SPOCK1: variants seen among roughly 807,000 people sequenced by gnomAD.
SPOCK1 encodes SPARC (osteonectin), cwcv and kazal like domains proteoglycan 1.
A neutral mutation model predicts 55.3 loss-of-function variants in SPOCK1; 23 were observed. The observed-to-expected ratio is 0.42, with a 90% CI of 0.30 to 0.59. SPOCK1 has a LOEUF of 0.59. Among genes scored for constraint, SPOCK1 ranks in the 20% least tolerant of loss-of-function variants. SPOCK1 has a pLI of 0.22. For missense variants in SPOCK1, 499 were observed against 552.5 expected (o/e 0.90, Z 0.97); for synonymous variants, 226 against 221.0 (o/e 1.02, Z -0.20).
intron 2 of SPOCK1, among the ~76,000 whole-genome samples, chr5:137,377,997 T>C (rs115408373): frequency 0.022 from 2,959 of 135,264 alleles, 90 homozygotes; most frequent in African/African-American, 0.077. Flanking sequence ...CAGGCTGGAG[T>C]GTAATGGTGC....
At chr5:137,420,191 G>T (rs1422022681) in intron 2 of SPOCK1, among the ~76,000 whole-genome samples, 1 of 152,106 alleles carries the variant, frequency 6.6e-6, no homozygotes, top group Non-Finnish European at 1.5e-5. Flanking sequence ...TGCTGCATTC[G>T]GTTTGCCAGT....
chr5:137,353,825 C>A (rs573632434), intron 2 of SPOCK1, among the ~76,000 whole-genome samples: 2 of 152,268 alleles, frequency 1.3e-5, no homozygotes, highest in East Asian at 3.9e-4. Context: ...TGTCCCCAGT[C>A]TCTCCCTGGC....
chr5:137,202,345 C>T (rs1755443055), intron 3 of SPOCK1, among the ~76,000 whole-genome samples: 1 of 152,190 alleles, frequency 6.6e-6, no homozygotes, highest in Admixed American at 6.5e-5. Flanking sequence ...ACTGCTAATA[C>T]ACAATTTTTT....
chr5:137,326,905 T>A (rs554265869), intron 2 of SPOCK1, among the ~76,000 whole-genome samples: 1 of 152,252 alleles, frequency 6.6e-6, no homozygotes, highest in Admixed American at 6.5e-5. Flanking sequence ...TGTCCTCAAG[T>A]GGTGTGTATT....
chr5:137,150,304 G>C (rs1457648578), intron 3 of SPOCK1, among the ~76,000 whole-genome samples: 1 of 152,112 alleles, frequency 6.6e-6, no homozygotes, highest in African/African-American at 2.4e-5. Flanking sequence ...CTCTCTAGTA[G>C]AGCTGTACTC....
intron 2 of SPOCK1, among the ~76,000 whole-genome samples, chr5:137,352,490 T>G (rs1750704099): frequency 6.6e-6 from 1 of 152,202 alleles, no homozygotes; most frequent in Non-Finnish European, 1.5e-5. Flanking sequence ...TTTCACCAAG[T>G]TGTTATCAAT....
chr5:137,067,689 A>G, intron 6 of SPOCK1, 26 bp downstream of exon 6: 2 of 1,603,788 alleles, frequency 1.2e-6, no homozygotes, highest in Non-Finnish European at 1.7e-6. Context: ...CTGCCCACGA[A>G]TTCTCTGAAG....
At chr5:137,239,842 A>C (rs181882231) in intron 3 of SPOCK1, among the ~76,000 whole-genome samples, 2 of 152,342 alleles carry the variant, frequency 1.3e-5, no homozygotes, top group Non-Finnish European at 2.9e-5. Flanking sequence ...AAAAGGTATA[A>C]AAATGGTAAG....
rs144822666 is a variant in SPOCK1, at chr5:137,076,496, AC to A, written c.475-8668del. Among the ~76,000 whole-genome samples the A allele has an allele frequency of 2.0e-5, 3 of 152,100 alleles. No individual in the cohort carries two copies. The East Asian group carries it at 5.8e-4, about 29-fold the overall frequency. ...GCTTAGCCTAGCCTACCTTCAGTGT[AC>A]TCAGAACACTCACATTAGTCTACAG... is the stretch of plus-strand genomic sequence containing the variant. On this transcript the variant is annotated intron_variant, in intron 5 of 10. Transcript: ENST00000394945.
chr5:137,137,685 G>T (rs1269426804), intron 4 of SPOCK1, among the ~76,000 whole-genome samples: 2 of 152,166 alleles, frequency 1.3e-5, no homozygotes, highest in Non-Finnish European at 2.9e-5. Flanking sequence ...TGCAAAGGGG[G>T]CAGCAGAAAT....
At chr5:137,335,543 T>C (rs1316595231) in intron 2 of SPOCK1, among the ~76,000 whole-genome samples, 2 of 152,218 alleles carry the variant, frequency 1.3e-5, no homozygotes, top group African/African-American at 4.8e-5. Context: ...CAAGAGTACA[T>C]AACTGAAGAG....
chr5:137,448,830 T>C (rs887615966), intron 2 of SPOCK1, among the ~76,000 whole-genome samples: 2 of 152,196 alleles, frequency 1.3e-5, no homozygotes, highest in Non-Finnish European at 2.9e-5. Flanking sequence ...TGGCACCTGC[T>C]CCACTTTCTG....
At chr5:137,421,852 G>GGCC (rs1580917725) in intron 2 of SPOCK1, among the ~76,000 whole-genome samples, 2 of 152,296 alleles carry the variant, frequency 1.3e-5, no homozygotes, top group East Asian at 3.9e-4. Context: ...GATGTTAGCT[G>GGCC]GTTATTTTGC....
At chr5:137,324,962 G>GAAAA (rs5871633) in intron 2 of SPOCK1, among the ~76,000 whole-genome samples, 6 of 140,340 alleles carry the variant, frequency 4.3e-5, no homozygotes, top group African/African-American at 1.6e-4. Flanking sequence ...GCTCAATCCT[G>GAAAA]AAAAAAAAAA....
At chr5:137,186,340 G>A (rs879555016) in intron 3 of SPOCK1, among the ~76,000 whole-genome samples, 6 of 152,180 alleles carry the variant, frequency 3.9e-5, no homozygotes, top group South Asian at 2.1e-4. Context: ...GCATAGGCCC[G>A]TTTGGGGTAT....
At chr5:137,215,953 C>A (rs1214609445) in intron 3 of SPOCK1, among the ~76,000 whole-genome samples, 2 of 152,180 alleles carry the variant, frequency 1.3e-5, no homozygotes, top group African/African-American at 4.8e-5. Flanking sequence ...CAAACTGTGG[C>A]AGAACTGCGG....
chr5:137,470,281 A>C (rs1452789564), intron 2 of SPOCK1, among the ~76,000 whole-genome samples: 1 of 152,208 alleles, frequency 6.6e-6, no homozygotes, highest in African/African-American at 2.4e-5. Context: ...CATACTTTTA[A>C]ATTTTTGCTG....
chr5:137,297,055 G>A (rs978528442), intron 2 of SPOCK1, among the ~76,000 whole-genome samples: 4 of 152,140 alleles, frequency 2.6e-5, no homozygotes, highest in African/African-American at 4.8e-5. Context: ...ATACATATGT[G>A]TATATGTATA....
intron 6 of SPOCK1, among the ~76,000 whole-genome samples, chr5:137,002,080 G>A (rs901206095): frequency 1.3e-5 from 2 of 152,134 alleles, no homozygotes; most frequent in African/African-American, 2.4e-5. Context: ...ATGAGCAAAG[G>A]AATTAGGTGC....
Sources: allele counts gnomAD v4.1 joint callset (sites outside exome capture counted in the v4.1 genomes callset), GRCh38; gene constraint gnomAD v4.1.1; transcripts MANE v1.5; gene names NCBI Gene and HGNC (gene_info 2026-07-23, HGNC 2026-07-21).